Variants in PRICKLE2 observed in about 807,000 individuals in gnomAD.
The protein encoded by PRICKLE2 is prickle-like protein 2.
In PRICKLE2, 21 loss-of-function variants were observed where a neutral mutation model predicts 81.4. The observed-to-expected ratio is 0.26, with a 90% confidence interval of 0.18 to 0.37. The LOEUF (loss-of-function observed/expected upper bound fraction) is 0.37. PRICKLE2 is among the 10% of genes least tolerant of loss of function. The pLI is 1.00. For missense variants in PRICKLE2, 940 were observed against 1,109.0 expected, an observed-to-expected ratio of 0.85 and a Z score of 2.16; for synonymous variants, 456 against 421.5, an observed-to-expected ratio of 1.08 and a Z score of -1.00.
intron 2 of PRICKLE2, among the ~76,000 whole-genome samples, chr3:64,193,230 C>T (rs1307210121): frequency 6.6e-6 from 1 of 152,194 alleles, no homozygotes; most frequent in Non-Finnish European, 1.5e-5. Context: ...CCCTCAGCTC[C>T]ATGGTGCTCA....
intron 2 of PRICKLE2, among the ~76,000 whole-genome samples, chr3:64,173,574 A>C (rs190989696): frequency 6.6e-6 from 1 of 152,344 alleles, no homozygotes; most frequent in East Asian, 1.9e-4. Flanking sequence ...CTTGCAAGGC[A>C]GTATGAGGCC....
At chr3:64,245,633 G>A (rs925059729) in intron 2 of PRICKLE2, among the ~76,000 whole-genome samples, 1 of 152,148 alleles carries the variant, frequency 6.6e-6, no homozygotes, top group African/African-American at 2.4e-5. Context: ...ATTCCTGTCT[G>A]GGCCAACCAT....
chr3:64,256,850 A>C (rs2079531289), intron 2 of PRICKLE2, among the ~76,000 whole-genome samples: 1 of 152,146 alleles, frequency 6.6e-6, no homozygotes, highest in African/African-American at 2.4e-5. Flanking sequence ...CTCCCTCCCT[A>C]TCCCATCAGT....
At chr3:64,220,905 G>A (rs976155591) in intron 1 of PRICKLE2, among the ~76,000 whole-genome samples, 3 of 152,138 alleles carry the variant, frequency 2.0e-5, no homozygotes, top group African/African-American at 7.2e-5. Context: ...TATTGTACTT[G>A]AAAATCTGCT....
intron 2 of PRICKLE2, among the ~76,000 whole-genome samples, chr3:64,246,852 C>A (rs2079365019): frequency 6.6e-6 from 1 of 152,130 alleles, no homozygotes; most frequent in Non-Finnish European, 1.5e-5. Flanking sequence ...GTAGAAAGTA[C>A]CCTCATAAAG....
chr3:64,240,447 C>A (rs2079246724), intron 2 of PRICKLE2, among the ~76,000 whole-genome samples: 1 of 152,116 alleles, frequency 6.6e-6, no homozygotes, highest in African/African-American at 2.4e-5. Flanking sequence ...CTGAATGGAG[C>A]CCAAGGGATA....
At chr3:64,211,439 G>T (rs2078784023) in intron 1 of PRICKLE2, among the ~76,000 whole-genome samples, 2 of 152,186 alleles carry the variant, frequency 1.3e-5, no homozygotes, top group Admixed American at 6.5e-5. Flanking sequence ...ATATTTAAAA[G>T]AATGTTCTTG....
intron 7 of PRICKLE2, among the ~76,000 whole-genome samples, chr3:64,123,525 G>T (rs62249909): frequency 6.6e-6 from 1 of 152,206 alleles, no homozygotes; most frequent in Non-Finnish European, 1.5e-5. Context: ...CAGATACTGT[G>T]ATGCTTACGA....
At chr3:64,117,439 T>G (rs1376642637) in intron 7 of PRICKLE2, among the ~76,000 whole-genome samples, 1 of 152,172 alleles carries the variant, frequency 6.6e-6, no homozygotes, top group Non-Finnish European at 1.5e-5. Flanking sequence ...CATGATCCTA[T>G]ATCTAAAACA....
At chr3:64,231,193 TA>T (rs2079095819) in intron 2 of PRICKLE2, among the ~76,000 whole-genome samples, 1 of 152,182 alleles carries the variant, frequency 6.6e-6, no homozygotes, top group Non-Finnish European at 1.5e-5. Context: ...TTAATTACAT[TA>T]ATTAAAATGA....
chr3:64,161,779 A>G (rs1416467415), intron 3 of PRICKLE2, among the ~76,000 whole-genome samples: 1 of 151,710 alleles, frequency 6.6e-6, no homozygotes, highest in Non-Finnish European at 1.5e-5. Context: ...TGACCTGAAC[A>G]GCCCAGAATA....
At chr3:64,206,021 A>G (rs1157974243) in intron 1 of PRICKLE2, among the ~76,000 whole-genome samples, 2 of 152,254 alleles carry the variant, frequency 1.3e-5, no homozygotes, top group African/African-American at 2.4e-5. Context: ...CTAGATGGAA[A>G]GAAGAAAAAA....
chr3:64,172,947 G>T (rs1414257233), intron 2 of PRICKLE2, among the ~76,000 whole-genome samples: 4 of 152,146 alleles, frequency 2.6e-5, no homozygotes, highest in Non-Finnish European at 5.9e-5. Context: ...TGAGCTTTTG[G>T]ACTCCAGAAC....
At chr3:64,206,043 T>C (rs1478845968) in intron 1 of PRICKLE2, among the ~76,000 whole-genome samples, 1 of 152,254 alleles carries the variant, frequency 6.6e-6, no homozygotes, top group East Asian at 1.9e-4. Flanking sequence ...ATAGAGGCTA[T>C]TAACGGCTTT....
intron 1 of PRICKLE2, among the ~76,000 whole-genome samples, chr3:64,208,901 C>T (rs1158667494): frequency 6.6e-6 from 1 of 152,150 alleles, no homozygotes; most frequent in African/African-American, 2.4e-5. Context: ...CATCCATATC[C>T]ATCCATCTAC....
intron 1 of PRICKLE2, chr3:64,199,330 C>T (rs2078525028): frequency 8.4e-6 from 3 of 356,408 alleles, no homozygotes; most frequent in Non-Finnish European, 1.5e-5. Context: ...ACTGCAATAG[C>T]AATTAAATAT....
At chr3:64,234,001 T>G (rs2079144388) in intron 2 of PRICKLE2, among the ~76,000 whole-genome samples, 1 of 152,218 alleles carries the variant, frequency 6.6e-6, no homozygotes, top group Non-Finnish European at 1.5e-5. Flanking sequence ...ATATCAGAAT[T>G]TCATTCTTTT....
rs530867517 is a variant in PRICKLE2 at position 64,093,207 on chromosome 3, G to A, written c.*5844C>T. 4.9e-5 allele frequency: 8 copies of A among 163,314 alleles called. No individual in the cohort carries two copies. Among genetic ancestry groups the A allele is most frequent in the Admixed American group, 3.1e-4 (5 of 16,062 alleles). 10.1% of individuals were successfully genotyped at this position (163,314 alleles called of 1,614,324 possible). A position where few individuals can be genotyped will look rare whatever the true frequency, so the allele number is the denominator to read the frequency against. ...GTAGCATGTGTCAGAATTTCCTTCCGTTTTAAGGCTGAATAATATTCCATT... is the reference window on the plus strand; with the variant it reads ...GTAGCATGTGTCAGAATTTCCTTCCATTTTAAGGCTGAATAATATTCCATT... On this transcript the variant is annotated 3_prime_UTR_variant, in exon 8 of 8. Transcript: ENST00000638394.
intron 7 of PRICKLE2, among the ~76,000 whole-genome samples, chr3:64,120,275 GAATT>G (rs1167264224): frequency 7.2e-5 from 11 of 152,276 alleles, no homozygotes; most frequent in African/African-American, 2.6e-4. Context: ...TCTTAGGTAA[GAATT>G]AAGTTTTCAG....
Sources: gnomAD v4.1 joint callset for allele counts (sites outside exome capture counted in the v4.1 genomes callset) on GRCh38, gnomAD v4.1.1 for gene constraint, MANE v1.5 for transcripts, NCBI Gene and HGNC (gene_info 2026-07-23, HGNC 2026-07-21) for gene names.